ZHX1: variants seen among roughly 807,000 people sequenced by gnomAD.
ZHX1 encodes the protein zinc fingers and homeoboxes protein 1.
In ZHX1, 20 loss-of-function variants were observed where a neutral mutation model predicts 61.8. The observed-to-expected ratio is 0.32, with a 90% CI of 0.23 to 0.47. The LOEUF (loss-of-function observed/expected upper bound fraction) is 0.47. Ranked by LOEUF, ZHX1 falls within the 20% of genes least tolerant of loss-of-function variation. The pLI is 1.00. For synonymous variants in ZHX1, 318 were observed against 352.6 expected (o/e 0.90, Z 1.10); for missense variants, 800 against 1,034.8 (o/e 0.77, Z 3.11).
chr8:123,267,759 C>T (rs1326140741), intron 1 of ZHX1, among the ~76,000 whole-genome samples: 1 of 152,078 alleles, frequency 6.6e-6, no homozygotes, highest in Non-Finnish European at 1.5e-5. Context: ...CCCAGCACTT[C>T]GGGAGGCCAA....
At chr8:123,259,907 C>T (rs1056313310) in intron 2 of ZHX1, among the ~76,000 whole-genome samples, 2 of 152,184 alleles carry the variant, frequency 1.3e-5, no homozygotes, top group Non-Finnish European at 2.9e-5. Flanking sequence ...CGCCTTTAAT[C>T]CCAGCACTTT....
intron 2 of ZHX1, among the ~76,000 whole-genome samples, chr8:123,258,876 G>A (rs1826160300): frequency 6.6e-6 from 1 of 152,120 alleles, no homozygotes; most frequent in Non-Finnish European, 1.5e-5. Flanking sequence ...CGAATAAAAT[G>A]GGTAAGTGAT....
rs765322229 is a variant in ZHX1 at position 123,253,666 on chromosome 8, T to C, written c.2281A>G (p.Arg761Gly). 5 of 1,614,240 alleles carry C rather than the reference T, an allele frequency of 3.1e-6. No individual in the cohort carries two copies. In the South Asian group the frequency reaches 5.5e-5, roughly 18 times the overall value. ...RGRGRPRGRPRGSKRINNWDR... is the reference protein window; with the variant it reads ...RGRGRPRGRPGGSKRINNWDR... ...CAGTTGTTAATTCTTTTGCTTCCTC[T>C]AGGCCGCCCACGCGGTCTTCCTCTT... Residue 761 changes from arginine (R) to glycine (G), a missense_variant, in exon 3 of 4, where the codon AGA becomes GGA. Physicochemically the swap from Arg to Gly is moderately radical, Grantham distance 125. Transcript: ENST00000395571.
Position 123,256,115 on chromosome 8 carries a change from G to T in ZHX1, c.-169C>A. ...GGTGCAATCAAGTAAAGAGCTTATT[G>T]TTGGCAGATAAAATACTGCTGAATT... On this transcript the variant is annotated 5_prime_UTR_variant, in exon 3 of 4. Coordinates refer to ENST00000395571, the MANE Select transcript of ZHX1 (RefSeq NM_007222.5). The T allele has an allele frequency of 2.0e-6, 1 of 492,846 alleles. No individual in the cohort carries two copies. 30.5% of individuals were successfully genotyped at this position (492,846 alleles called of 1,614,324 possible).
At position 123,254,478 on chromosome 8, in the gene ZHX1, T is replaced by C. The variant is rs952669571; in HGVS notation, c.1469A>G (p.His490Arg). Residue 490 changes from histidine (H) to arginine (R), a missense_variant, in exon 3 of 4, where the codon CAT becomes CGT. Coordinates refer to ENST00000395571, the MANE Select transcript of ZHX1 (RefSeq NM_007222.5). The surrounding 1 kb of genome is among the most constrained non-coding windows in gnomAD (Gnocchi z 4.1). The stretch of plus-strand genomic sequence containing the variant: ...CATAAGTCTGATAATTTCTGAATCA[T>C]GGGGAAACTGATTTTTAAGGTAGCT... Reference protein sequence around the residue: ...KVSYLKNQFPHDSEIIRLMKI... With the variant: ...KVSYLKNQFPRDSEIIRLMKI... 1.2e-6 allele frequency: 2 copies of C among 1,613,826 alleles called. No homozygotes were observed. Among genetic ancestry groups the C allele is most frequent in the African/African-American group, 1.3e-5 (1 of 74,898 alleles).
In ZHX1 at chr8:123,254,313, T is replaced by C. The variant is rs765774124; in HGVS notation, c.1634A>G (p.Glu545Gly). The C allele has an allele frequency of 6.2e-7, 1 of 1,614,178 alleles. No individual in the cohort carries two copies. Among genetic ancestry groups the C allele is most frequent in the Non-Finnish European group, 8.5e-7 (1 of 1,180,010 alleles). The change falls in exon 3 of 4, where the codon GAA becomes GGA. Residue 545 changes from glutamate to glycine, a missense_variant. Transcript: ENST00000395571. This position sits in a 1 kb window ranked among gnomAD's most constrained non-coding sequence, Gnocchi z 4.1. ...STTIIIDSSD[E>G]TTESPTVGTA... ...ACCAACAGTTGGGGATTCCGTGGTTTCATCACTGGAGTCTATAATAATGGT... is the reference window on the plus strand; with the variant it reads ...ACCAACAGTTGGGGATTCCGTGGTTCCATCACTGGAGTCTATAATAATGGT...
In ZHX1 at chr8:123,253,307, A is replaced by C. The variant is rs1310707549; in HGVS notation, c.*3+15T>G. 6.4e-7 allele frequency: 1 copy of C among 1,573,290 alleles called. No individual in the cohort carries two copies. Among genetic ancestry groups the C allele is most frequent in the Non-Finnish European group, 8.6e-7 (1 of 1,165,776 alleles). On this transcript the variant is annotated intron_variant, in intron 3 of 3. Coordinates refer to ENST00000395571, the MANE Select transcript of ZHX1 (RefSeq NM_007222.5). Reference sequence around the variant, plus strand: ...TGATGAACATATACGCAGATTAAAAATTTTCTTAACTTACATTTCAGTCAT... The same window carrying C: ...TGATGAACATATACGCAGATTAAAACTTTTCTTAACTTACATTTCAGTCAT...
At chr8:123,262,943 A>G (rs1009203758) in intron 2 of ZHX1, 2 of 151,478 alleles carry the variant, frequency 1.3e-5, no homozygotes, top group African/African-American at 2.4e-5. Flanking sequence ...TAAAAAAAAA[A>G]AAAGAAAGAA....
rs1291807780 is a variant in ZHX1, at chr8:123,253,839, T to G, written c.2108A>C (p.Asp703Ala). 1 of 1,614,080 alleles carries G rather than the reference T, an allele frequency of 6.2e-7. No homozygotes were observed. Among genetic ancestry groups the G allele is most frequent in the Non-Finnish European group, 8.5e-7 (1 of 1,180,030 alleles). Reference protein sequence around the residue: ...LAKESGLARTDIVSWFGDTRY... With the variant: ...LAKESGLARTAIVSWFGDTRY... ...GGTGTCCCCAAACCAACTAACTATG[T>G]CTGTTCTAGCAAGCCCGCTTTCTTT... is the stretch of plus-strand genomic sequence containing the variant. Residue 703 changes from aspartate to alanine, a missense_variant, in exon 3 of 4, where the codon GAC becomes GCC. By Grantham distance (126) the Asp-to-Ala change is moderately radical. Coordinates refer to ENST00000395571, the MANE Select transcript of ZHX1 (RefSeq NM_007222.5).
At chr8:123,272,973 ATT>A (rs148214782) in intron 1 of ZHX1, among the ~76,000 whole-genome samples, 3 of 144,966 alleles carry the variant, frequency 2.1e-5, no homozygotes, top group African/African-American at 2.5e-5. Flanking sequence ...AGCTCTTCGC[ATT>A]TTTTTTTTTT....
At chr8:123,270,713 G>T (rs1826622558) in intron 1 of ZHX1, among the ~76,000 whole-genome samples, 2 of 150,684 alleles carry the variant, frequency 1.3e-5, no homozygotes, top group Admixed American at 1.3e-4. Flanking sequence ...TTGAGCACAG[G>T]AGTTTGAGGG....
At position 123,254,648 on chromosome 8, in the gene ZHX1, A is replaced by T; in HGVS notation, c.1299T>A (p.Ala433=). 2 of 1,614,206 alleles carry T rather than the reference A, an allele frequency of 1.2e-6. No individual in the cohort carries two copies. The highest frequency in any genetic ancestry group is 1.7e-6 in the Non-Finnish European group (2 of 1,180,022). The change falls in exon 3 of 4, where the codon GCT becomes GCA. Residue 433 remains alanine (A), a synonymous_variant. Transcript: ENST00000395571. The surrounding 1 kb of genome is among the most constrained non-coding windows in gnomAD (Gnocchi z 4.1). ...GCTTTGTTTCTGCAGTAGGCTGAGC[A>T]GCAGGTACCTGACTTTTCTGTATAT... ...QNNIQKSQVP[A]AQPTAETKPA...
chr8:123,255,903 G>A lies in ZHX1; in HGVS notation c.44C>T (p.Ala15Val), dbSNP rs369954197. 1.2e-6 allele frequency: 2 copies of A among 1,613,428 alleles called. No homozygotes were observed. The highest frequency in any genetic ancestry group is 1.3e-5 in the African/African-American group (1 of 74,900). ...RKSTTPCMVL[A>V]SEQDPDLELI... Reference sequence around the variant, plus strand: ...CTCAAGGTCTGGATCTTGTTCACTGGCAAGGACCATGCAAGGTGTTGTTGA... The same window carrying A: ...CTCAAGGTCTGGATCTTGTTCACTGACAAGGACCATGCAAGGTGTTGTTGA... Residue 15 changes from alanine (A) to valine (V), a missense_variant, in exon 3 of 4, where the codon GCC (alanine) becomes GTC (valine). Ala to Val is a moderately conservative substitution (Grantham distance 64). Transcript: ENST00000395571.
chr8:123,257,924 C>T (rs919935196), intron 2 of ZHX1, among the ~76,000 whole-genome samples: 4 of 152,178 alleles, frequency 2.6e-5, no homozygotes, highest in African/African-American at 9.6e-5. Context: ...TAGTCTAGTA[C>T]TTACCATACT....
chr8:123,264,085 T>C (rs933089123), intron 2 of ZHX1, among the ~76,000 whole-genome samples: 11 of 152,202 alleles, frequency 7.2e-5, no homozygotes, highest in Non-Finnish European at 1.0e-4. Context: ...TAAAATGTCA[T>C]TGTAATACAT....
intron 2 of ZHX1, chr8:123,262,748 G>A (rs1826314864): frequency 6.6e-6 from 1 of 152,056 alleles, no homozygotes; most frequent in African/African-American, 2.4e-5. Context: ...TATTTCTATG[G>A]CCAGTTTATG....
At chr8:123,269,484 G>C (rs1826571212) in intron 1 of ZHX1, among the ~76,000 whole-genome samples, 1 of 152,168 alleles carries the variant, frequency 6.6e-6, no homozygotes, top group African/African-American at 2.4e-5. Context: ...AAAAATTAAA[G>C]AGCTCATCTC....
upstream of ZHX1, chr8:123,274,353 A>C (rs907491329): frequency 1.3e-5 from 2 of 152,310 alleles, no homozygotes; most frequent in East Asian, 3.9e-4. Flanking sequence ...AAGGGGCCTC[A>C]GCAGCTCGGT....
chr8:123,256,671 G>A (rs1342858073), intron 2 of ZHX1, among the ~76,000 whole-genome samples: 1 of 151,904 alleles, frequency 6.6e-6, no homozygotes, highest in East Asian at 1.9e-4. Context: ...GGCTGAGGTA[G>A]GAGAATCGCT....
Sources: allele counts gnomAD v4.1 joint callset (sites outside exome capture counted in the v4.1 genomes callset), GRCh38; gene constraint gnomAD v4.1.1; non-coding constraint Gnocchi (gnomAD v3.1); transcripts MANE v1.5; gene names NCBI Gene and HGNC (gene_info 2026-07-23, HGNC 2026-07-21).